RBPJ: variants seen among roughly 807,000 people sequenced by gnomAD.
RBPJ encodes the protein recombination signal binding protein for immunoglobulin kappa J region.
A neutral mutation model predicts 67.8 loss-of-function variants in RBPJ; 9 were observed. That is an observed-to-expected ratio of 0.13 (90% CI 0.08 to 0.23). The LOEUF (loss-of-function observed/expected upper bound fraction) is 0.23, where lower values mean the gene tolerates loss of function less well. RBPJ is among the 10% of genes least tolerant of loss of function. The pLI, the probability that RBPJ is intolerant of heterozygous loss-of-function variation, is 1.00. For synonymous variants in RBPJ, 198 were observed against 203.3 expected, an observed-to-expected ratio of 0.97 and a Z score of 0.22; for missense variants, 305 against 595.6, an observed-to-expected ratio of 0.51 and a Z score of 5.08.
Position 26,304,385 on chromosome 4 carries a change from G to A in RBPJ, c.-166-58061G>A, listed in dbSNP as rs113891423. Among the ~76,000 whole-genome samples, 320 of 152,294 alleles carry A rather than the reference G, an allele frequency of 2.1e-3. 1 individual carries two copies. The highest frequency in any genetic ancestry group is 7.6e-3 in the African/African-American group (314 of 41,564). ...AAGAGTAGAATTGTTGGGTCATAGAGTAACTCTATCGTTACCCTTTGAAGA... is the reference window on the plus strand; with the variant it reads ...AAGAGTAGAATTGTTGGGTCATAGAATAACTCTATCGTTACCCTTTGAAGA... On this transcript the variant is annotated intron_variant, in intron 1 of 4. Coordinates refer to the RBPJ transcript ENST00000512351.
the RBPJ span, among the ~76,000 whole-genome samples, chr4:26,147,909 A>G: frequency 3.9e-5 from 6 of 152,326 alleles, no homozygotes; most frequent in Non-Finnish European, 8.8e-5. Flanking sequence ...TTCTCAAAGT[A>G]TGGCTCCTGA....
chr4:26,120,932 A>C, the RBPJ span, among the ~76,000 whole-genome samples: 1 of 150,820 alleles, frequency 6.6e-6, no homozygotes, highest in Admixed American at 6.6e-5. Context: ...CAAAATAAGG[A>C]AGGAAGGAAG....
intron 3 of RBPJ, among the ~76,000 whole-genome samples, chr4:26,407,879 CTTTCTTTTTTTTTTTTT>C (rs1416485338): frequency 2.5e-5 from 2 of 78,832 alleles, no homozygotes; most frequent in Non-Finnish European, 4.9e-5. Flanking sequence ...GTAAAGCTTT[CTTTCTTTTTTTTTTTTT>C]TTTTTTTTTT....
At chr4:26,135,637 T>G in the RBPJ span, among the ~76,000 whole-genome samples, 1 of 152,168 alleles carries the variant, frequency 6.6e-6, no homozygotes, top group Non-Finnish European at 1.5e-5. Flanking sequence ...AACTTCCCTC[T>G]GTCCTGTTTG....
chr4:26,339,255 T>C (rs529448751), intron 1 of RBPJ, among the ~76,000 whole-genome samples: 1 of 152,166 alleles, frequency 6.6e-6, no homozygotes, highest in South Asian at 2.1e-4. Context: ...GTGAGGGAGG[T>C]AGTATTACCT....
chr4:26,186,099 T>A lies in RBPJ; in HGVS notation c.-167+22485T>A, dbSNP rs140474160. 1.8e-3 allele frequency among the ~76,000 whole-genome samples: 273 copies of A among 150,650 alleles called. 1 individual carries two copies. Among genetic ancestry groups the A allele is most frequent in the African/African-American group, 6.3e-3 (259 of 40,968 alleles). ...AAAGAAACAGGAATGGAACTACTAC[T>A]GCATGTTGAAGACAAAGAATTCTGA... On this transcript the variant is annotated intron_variant, in intron 1 of 4. Coordinates refer to the RBPJ transcript ENST00000512351.
chr4:26,131,503 G>A, the RBPJ span, among the ~76,000 whole-genome samples: 1 of 152,120 alleles, frequency 6.6e-6, no homozygotes, highest in Non-Finnish European at 1.5e-5. Context: ...GTCCGTGGAA[G>A]CCCACTGAAA....
chr4:26,401,887 C>CTTTTT (rs58935903), intron 2 of RBPJ, among the ~76,000 whole-genome samples: 8 of 129,700 alleles, frequency 6.2e-5, no homozygotes, highest in African/African-American at 8.6e-5. Flanking sequence ...TTCTTTCTTT[C>CTTTTT]TTTTTTTTTT....
intron 1 of RBPJ, among the ~76,000 whole-genome samples, chr4:26,257,925 T>A (rs1272893752): frequency 6.6e-6 from 1 of 152,220 alleles, no homozygotes; most frequent in African/African-American, 2.4e-5. Context: ...CTTCACCAGG[T>A]TATGGCTATG....
chr4:26,255,646 C>CA (rs1161692272), intron 1 of RBPJ, among the ~76,000 whole-genome samples: 1 of 150,262 alleles, frequency 6.7e-6, no homozygotes, highest in Admixed American at 6.6e-5. Flanking sequence ...ACTAAAAATA[C>CA]AAAAAATTAG....
intron 1 of RBPJ, among the ~76,000 whole-genome samples, chr4:26,314,423 GC>G (rs1417773553): frequency 3.3e-5 from 5 of 152,170 alleles, no homozygotes; most frequent in African/African-American, 1.2e-4. Flanking sequence ...TTTCTGATAT[GC>G]TTTGGATCTG....
intron 1 of RBPJ, among the ~76,000 whole-genome samples, chr4:26,204,631 C>A (rs993326482): frequency 6.6e-6 from 1 of 152,104 alleles, no homozygotes; most frequent in Non-Finnish European, 1.5e-5. Flanking sequence ...ACTGTTGTGT[C>A]CAAGTTGGAA....
chr4:26,152,772 A>G, the RBPJ span, among the ~76,000 whole-genome samples: 3 of 152,358 alleles, frequency 2.0e-5, no homozygotes, highest in South Asian at 6.2e-4. Flanking sequence ...GAGCTTGAGA[A>G]GTTGAAAAGA....
the RBPJ span, among the ~76,000 whole-genome samples, chr4:26,142,786 G>A: frequency 6.6e-6 from 1 of 151,766 alleles, no homozygotes; most frequent in Non-Finnish European, 1.5e-5. Flanking sequence ...GTGTGTGTGT[G>A]TGAGAGAGAG....
chr4:26,109,446 CTCTCTCTCTCTCTCTA>C, the RBPJ span, among the ~76,000 whole-genome samples: 8 of 27,516 alleles, frequency 2.9e-4, 2 homozygotes, highest in South Asian at 1.8e-3. Flanking sequence ...CTCTCTCTCT[CTCTCTCTCTCTCTCTA>C]TATATATATA....
intron 1 of RBPJ, among the ~76,000 whole-genome samples, chr4:26,252,921 C>T (rs1720161197): frequency 6.6e-6 from 1 of 152,190 alleles, no homozygotes; most frequent in Admixed American, 6.5e-5. Flanking sequence ...TGCTTCCTGA[C>T]CTGGCTCTAC....
chr4:26,294,052 C>G (rs1393445778), intron 1 of RBPJ, among the ~76,000 whole-genome samples: 1 of 150,364 alleles, frequency 6.7e-6, no homozygotes, highest in African/African-American at 2.5e-5. Flanking sequence ...GCCATGGCAC[C>G]CGGCCAGGAA....
At chr4:26,385,649 A>G (rs1019716572) in intron 1 of RBPJ, among the ~76,000 whole-genome samples, 17 of 152,296 alleles carry the variant, frequency 1.1e-4, no homozygotes, top group African/African-American at 4.1e-4. Context: ...TTAAATAGTT[A>G]AAATCTGGGA....
chr4:26,124,415 C>CATATATATATATATATAT, the RBPJ span, among the ~76,000 whole-genome samples: 9 of 62,438 alleles, frequency 1.4e-4, no homozygotes, highest in Non-Finnish European at 2.6e-4. Flanking sequence ...AGTATTCCAT[C>CATATATATATATATATAT]ATATATATAT....
Sources: gnomAD v4.1 joint callset for allele counts (sites outside exome capture counted in the v4.1 genomes callset) on GRCh38, gnomAD v4.1.1 for gene constraint, MANE v1.5 for transcripts, NCBI Gene and HGNC (gene_info 2026-07-23, HGNC 2026-07-21) for gene names.